Variants in MAPK10 observed in about 807,000 individuals in gnomAD.
The protein encoded by MAPK10 is mitogen-activated protein kinase 10.
MAPK10 carries 25 observed loss-of-function variants against 59.3 expected under a neutral mutation model. The ratio of observed to expected loss-of-function variants is 0.42; its 90% CI spans 0.31 to 0.59. The LOEUF is 0.59. Among genes scored for constraint, MAPK10 ranks in the 20% least tolerant of loss-of-function variants. The pLI is 0.15. For missense variants in MAPK10, 351 were observed against 568.9 expected (o/e 0.62, Z 3.90); for synonymous variants, 190 against 200.5 (o/e 0.95, Z 0.44).
intron 1 of MAPK10, among the ~76,000 whole-genome samples, chr4:86,548,170 G>C (rs566937565): frequency 1.3e-5 from 2 of 152,026 alleles, no homozygotes; most frequent in Non-Finnish European, 2.9e-5. Context: ...CTTCACTCCT[G>C]AAGCCAGCGA....
intron 9 of MAPK10, among the ~76,000 whole-genome samples, chr4:86,085,378 A>G (rs2051563127): frequency 6.6e-6 from 1 of 152,320 alleles, no homozygotes; most frequent in East Asian, 1.9e-4. Flanking sequence ...AGAATATATA[A>G]GGAGCTCAAA....
chr4:86,095,336 C>T (rs2054025233), intron 9 of MAPK10: 1 of 151,672 alleles, frequency 6.6e-6, no homozygotes, highest in African/African-American at 2.4e-5. Context: ...TTTGTCAAGA[C>T]ATTTTACTAT....
chr4:86,295,660 T>G (rs1328912699), intron 2 of MAPK10, among the ~76,000 whole-genome samples: 2 of 150,906 alleles, frequency 1.3e-5, no homozygotes, highest in South Asian at 4.2e-4. Flanking sequence ...AAAACATGGT[T>G]CACAAAAATA....
At chr4:86,345,491 CT>C (rs547761357) in intron 2 of MAPK10, among the ~76,000 whole-genome samples, 48 of 152,192 alleles carry the variant, frequency 3.2e-4, no homozygotes, top group Admixed American at 8.5e-4. Flanking sequence ...TAAAATTCAC[CT>C]TTAGAAATCA....
chr4:86,356,756 G>A (rs1408223388), intron 1 of MAPK10: 1 of 152,158 alleles, frequency 6.6e-6, no homozygotes. Flanking sequence ...CAGCAGTACA[G>A]TGTCTCATCT....
intron 2 of MAPK10, among the ~76,000 whole-genome samples, chr4:86,299,888 T>A (rs775264033): frequency 6.6e-6 from 1 of 152,036 alleles, no homozygotes; most frequent in Non-Finnish European, 1.5e-5. Flanking sequence ...CCTTTCTTAT[T>A]TTTTTTCTTT....
chr4:86,444,169 A>G (rs1749744687), intron 1 of MAPK10, among the ~76,000 whole-genome samples: 1 of 152,216 alleles, frequency 6.6e-6, no homozygotes, highest in Admixed American at 6.5e-5. Context: ...TATCTGGAAC[A>G]ATAATGCCTG....
At chr4:86,168,897 G>A (rs190999168) in intron 3 of MAPK10, among the ~76,000 whole-genome samples, 3 of 152,214 alleles carry the variant, frequency 2.0e-5, no homozygotes, top group Non-Finnish European at 4.4e-5. Flanking sequence ...AGCAGCATTC[G>A]CGGTTCACAA....
At chr4:86,468,136 C>A (rs1338175277) in intron 1 of MAPK10, among the ~76,000 whole-genome samples, 2 of 152,240 alleles carry the variant, frequency 1.3e-5, no homozygotes, top group Non-Finnish European at 2.9e-5. Context: ...TGAGAATAGG[C>A]TGGCTCCAAG....
intron 2 of MAPK10, among the ~76,000 whole-genome samples, chr4:86,338,043 T>G (rs949427847): frequency 1.3e-5 from 2 of 152,174 alleles, no homozygotes; most frequent in Admixed American, 1.3e-4. Context: ...AATAATATCT[T>G]AGATTTGCAG....
chr4:86,215,821 C>A (rs2148621321), intron 2 of MAPK10, among the ~76,000 whole-genome samples: 1 of 152,290 alleles, frequency 6.6e-6, no homozygotes, highest in Admixed American at 6.5e-5. Context: ...GAGATTGTGC[C>A]ACTGCACTCC....
intron 2 of MAPK10, among the ~76,000 whole-genome samples, chr4:86,338,036 AAT>A (rs1285021186): frequency 6.6e-6 from 1 of 152,176 alleles, no homozygotes; most frequent in African/African-American, 2.4e-5. Context: ...TTATAAAAAT[AAT>A]ATCTTAGATT....
intron 2 of MAPK10, among the ~76,000 whole-genome samples, chr4:86,212,571 C>T (rs1468562821): frequency 6.6e-6 from 1 of 152,038 alleles, no homozygotes; most frequent in Non-Finnish European, 1.5e-5. Context: ...ATAAAGAGAA[C>T]AGGGATGGTT....
chr4:86,026,210 C>T (rs1007278485), intron 13 of MAPK10, among the ~76,000 whole-genome samples: 2 of 152,174 alleles, frequency 1.3e-5, no homozygotes, highest in Non-Finnish European at 2.9e-5. Context: ...AGCTTTACTT[C>T]TCAGGTGGAA....
At chr4:86,211,538 A>C (rs945974997) in intron 2 of MAPK10, among the ~76,000 whole-genome samples, 1 of 152,172 alleles carries the variant, frequency 6.6e-6, no homozygotes, top group Non-Finnish European at 1.5e-5. Flanking sequence ...AAGCTGAAAG[A>C]ATTCACTACC....
chr4:86,189,145 A>G (rs2079037722), intron 3 of MAPK10, among the ~76,000 whole-genome samples: 1 of 152,142 alleles, frequency 6.6e-6, no homozygotes, highest in Admixed American at 6.5e-5. Flanking sequence ...TGGTTACTGT[A>G]GCCTTGTAAT....
chr4:86,084,993 G>A lies in MAPK10; in HGVS notation c.802+13531C>T, dbSNP rs143376876. Among the ~76,000 whole-genome samples, 22 of 152,176 alleles carry A rather than the reference G, an allele frequency of 1.4e-4. No individual in the cohort carries two copies. The East Asian group carries it at 2.9e-3, about 20-fold the overall frequency. ...AACAAAGGTGCCAAGAACATACACT[G>A]GGGAAAAGACAGTCCCTTCAATAAA... On this transcript the variant is annotated intron_variant, in intron 9 of 13. Coordinates refer to ENST00000641462, the MANE Select transcript of MAPK10 (RefSeq NM_138982.4).
At chr4:86,045,634 C>G (rs1413318670) in intron 11 of MAPK10, among the ~76,000 whole-genome samples, 2 of 151,928 alleles carry the variant, frequency 1.3e-5, no homozygotes, top group Non-Finnish European at 2.9e-5. Flanking sequence ...TGAATGGCTT[C>G]CCTTCACCCT....
At chr4:86,054,029 AGTGTTCAAGATAAAACAT>A (rs2148965740) in intron 11 of MAPK10, among the ~76,000 whole-genome samples, 1 of 152,330 alleles carries the variant, frequency 6.6e-6, no homozygotes, top group South Asian at 2.1e-4. Context: ...CATGGTCTAA[AGTGTTCAAGATAAAACAT>A]GAAAACAAAA....
Sources: gnomAD v4.1 joint callset for allele counts (sites outside exome capture counted in the v4.1 genomes callset) on GRCh38, gnomAD v4.1.1 for gene constraint, MANE v1.5 for transcripts, NCBI Gene and HGNC (gene_info 2026-07-23, HGNC 2026-07-21) for gene names.